The following UGT8 variants were observed in gnomAD, a reference collection of about 807,000 sequenced individuals.
UGT8 encodes 2-hydroxyacylsphingosine 1-beta-galactosyltransferase.
UGT8 carries 12 observed loss-of-function variants against 40.5 expected under a neutral mutation model. The observed-to-expected ratio is 0.30, with a 90% confidence interval of 0.19 to 0.48. The LOEUF (loss-of-function observed/expected upper bound fraction) is 0.48, where lower values mean the gene tolerates loss of function less well. Among genes scored for constraint, UGT8 ranks in the 20% least tolerant of loss-of-function variants. The pLI, the probability that UGT8 is intolerant of heterozygous loss-of-function variation, is 0.99. For synonymous variants in UGT8, 224 were observed against 240.4 expected (o/e 0.93, Z 0.63); for missense variants, 513 against 648.7 (o/e 0.79, Z 2.27).
chr4:114,626,020 T>C (rs1455848193), intron 2 of UGT8, among the ~76,000 whole-genome samples: 1 of 152,186 alleles, frequency 6.6e-6, no homozygotes, highest in Non-Finnish European at 1.5e-5. Flanking sequence ...ATATATAGTA[T>C]GTGGACATAG....
At chr4:114,663,732 T>G (rs1356098638) in intron 2 of UGT8, 3 of 985,212 alleles carry the variant, frequency 3.0e-6, no homozygotes, top group Non-Finnish European at 3.6e-6. Flanking sequence ...TCTGAGATTT[T>G]AAGCCTTTAG....
intron 2 of UGT8, among the ~76,000 whole-genome samples, chr4:114,654,132 A>G (rs1578451231): frequency 6.6e-6 from 1 of 152,108 alleles, no homozygotes; most frequent in African/African-American, 2.4e-5. Context: ...AATGAAGACC[A>G]TAGGTTAATG....
At position 114,676,641 on chromosome 4, in the gene UGT8, ATGTG is replaced by A. The variant is rs113192515; in HGVS notation, c.*373_*376del. On this transcript the variant is annotated 3_prime_UTR_variant, in exon 6 of 6. Transcript: ENST00000310836. Reference sequence around the variant, plus strand: ...TTTTCTTAATAATGTGTGTGTGTGTATGTGTGTGTGTGTGTGTGTGTGTTTGTGT... The same window carrying A: ...TTTTCTTAATAATGTGTGTGTGTGTATGTGTGTGTGTGTGTGTGTTTGTGT... 3.6e-3 allele frequency: 642 copies of A among 179,128 alleles called. 8 individuals are homozygous for A. The highest frequency in any genetic ancestry group is 2.4e-3 in the Middle Eastern group (1 of 422). The allele number at this position is 179,128 out of a possible 1,614,324, so 11.1% of individuals were successfully genotyped here. A position where few individuals can be genotyped will look rare whatever the true frequency, so the allele number is the denominator to read the frequency against.
In UGT8 at chr4:114,623,325, C is replaced by T. The variant is rs150529068; in HGVS notation, c.445C>T (p.His149Tyr). The change falls in exon 2 of 6, where the codon CAT becomes TAT. Residue 149 changes from histidine to tyrosine, a missense_variant. Physicochemically the swap from His to Tyr is moderately conservative, Grantham distance 83 (BLOSUM62 2). Around this residue, in one of 3 missense-constraint regions of UGT8, gnomAD observed 335 missense variants for 444.8 expected, o/e 0.75. Transcript: ENST00000310836. ...TGATATGTGTGGATTTGTGATAGCT[C>T]ATCTTTTAGGGGTTAAATATGCTGT... ...PNDMCGFVIA[H>Y]LLGVKYAVFS... is the part of the protein sequence containing the mutation. The T allele has an allele frequency of 2.1e-5, 34 of 1,614,010 alleles. No homozygotes were observed. Among genetic ancestry groups the T allele is most frequent in the Non-Finnish European group, 2.5e-5 (30 of 1,180,030 alleles).
chr4:114,665,812 G>A (rs1449310754), intron 4 of UGT8, 56 bp downstream of exon 4: 3 of 1,397,620 alleles, frequency 2.1e-6, no homozygotes, highest in Non-Finnish European at 2.0e-6. Context: ...TTACATAAAT[G>A]TGACTTTTTT....
intron 2 of UGT8, among the ~76,000 whole-genome samples, chr4:114,626,188 C>A (rs998874315): frequency 1.3e-5 from 2 of 152,114 alleles, no homozygotes; most frequent in Non-Finnish European, 2.9e-5. Flanking sequence ...GTTTTATATG[C>A]TTATGAACAC....
intron 2 of UGT8, among the ~76,000 whole-genome samples, chr4:114,653,993 A>C (rs1248815392): frequency 1.3e-5 from 2 of 152,078 alleles, no homozygotes; most frequent in Non-Finnish European, 2.9e-5. Context: ...CAGGTTAAAC[A>C]AGATCTGCAC....
chr4:114,630,311 G>C (rs78088013), intron 2 of UGT8, among the ~76,000 whole-genome samples: 3,174 of 152,200 alleles, frequency 0.021, 58 homozygotes, highest in Non-Finnish European at 0.031. Flanking sequence ...ATCTTCATAC[G>C]ACTCTTTTGG....
intron 2 of UGT8, 99 bp downstream of exon 2, chr4:114,623,801 A>G (rs1732009116): frequency 7.1e-7 from 1 of 1,401,268 alleles, no homozygotes; most frequent in Non-Finnish European, 9.3e-7. Context: ...TATTGTATAT[A>G]TACAGTACAC....
chr4:114,677,708 G>A lies in UGT8; in HGVS notation c.*1420G>A, dbSNP rs1037643348. ...CTTAGCACTTGCACTACCCTTGTTG[G>A]TTGAGTGTATGCTTTATTTGTTTCT... On this transcript the variant is annotated 3_prime_UTR_variant, in exon 6 of 6. Coordinates refer to ENST00000310836, the MANE Select transcript of UGT8 (RefSeq NM_001128174.3). 2.0e-5 allele frequency: 3 copies of A among 152,164 alleles called. No homozygotes were observed. The highest frequency in any genetic ancestry group is 4.8e-5 in the African/African-American group (2 of 41,452). The allele number at this position is 152,164 out of a possible 1,614,324, so 9.4% of individuals were successfully genotyped here.
At chr4:114,673,085 GC>G (rs1560713127) in intron 5 of UGT8, among the ~76,000 whole-genome samples, 1 of 152,104 alleles carries the variant, frequency 6.6e-6, no homozygotes, top group Non-Finnish European at 1.5e-5. Flanking sequence ...GTACATGTGA[GC>G]CCCTTACAAG....
At chr4:114,611,403 CAT>C (rs60533468) in intron 1 of UGT8, among the ~76,000 whole-genome samples, 2,448 of 104,834 alleles carry the variant, frequency 0.023, 20 homozygotes, top group African/African-American at 0.038. Flanking sequence ...CATATATATC[CAT>C]ATATATATAT....
chr4:114,673,179 C>T (rs1735408256), intron 5 of UGT8, among the ~76,000 whole-genome samples: 1 of 151,894 alleles, frequency 6.6e-6, no homozygotes, highest in African/African-American at 2.4e-5. Context: ...TTTTTAATCA[C>T]ACTATTTTTT....
At chr4:114,625,064 C>T (rs1218879826) in intron 2 of UGT8, among the ~76,000 whole-genome samples, 2 of 150,926 alleles carry the variant, frequency 1.3e-5, no homozygotes, top group Non-Finnish European at 2.9e-5. Flanking sequence ...GTGTCTTTAC[C>T]TTAACTGAGT....
chr4:114,645,832 G>T (rs1733536719), intron 2 of UGT8, among the ~76,000 whole-genome samples: 1 of 152,104 alleles, frequency 6.6e-6, no homozygotes, highest in Non-Finnish European at 1.5e-5. Context: ...TAGTGAAATA[G>T]GTAGATTTTA....
chr4:114,626,711 GT>G (rs1351074778), intron 2 of UGT8, among the ~76,000 whole-genome samples: 1 of 152,130 alleles, frequency 6.6e-6, no homozygotes, highest in Non-Finnish European at 1.5e-5. Flanking sequence ...AATGTGGATT[GT>G]TTTGCTATTT....
chr4:114,646,833 T>A (rs928289580), intron 2 of UGT8, among the ~76,000 whole-genome samples: 21 of 152,240 alleles, frequency 1.4e-4, no homozygotes, highest in African/African-American at 5.1e-4. Context: ...TTGAGGCCAC[T>A]GCCACGTTCA....
chr4:114,626,430 G>A (rs994693036), intron 2 of UGT8, among the ~76,000 whole-genome samples: 8 of 152,316 alleles, frequency 5.3e-5, no homozygotes, highest in Non-Finnish European at 5.9e-5. Context: ...TTTTCCAGAT[G>A]TCTGTAAATG....
intron 4 of UGT8, among the ~76,000 whole-genome samples, chr4:114,666,221 A>C (rs912111020): frequency 1.3e-5 from 2 of 152,140 alleles, no homozygotes; most frequent in Admixed American, 6.5e-5. Context: ...GCAGAAGACC[A>C]TGGGAACAGT....
Sources: gnomAD v4.1 joint callset for allele counts (sites outside exome capture counted in the v4.1 genomes callset) on GRCh38, gnomAD v4.1.1 for gene constraint, gnomAD v4.1.1 regional missense constraint, MANE v1.5 for transcripts, NCBI Gene and HGNC (gene_info 2026-07-23, HGNC 2026-07-21) for gene names.